The following C4orf51 variants were observed in gnomAD, a reference collection of about 807,000 sequenced individuals.
C4orf51 encodes chromosome 4 open reading frame 51, also known as uncharacterized protein C4orf51.
In C4orf51, 25 loss-of-function variants were observed where a neutral mutation model predicts 25.2. The ratio of observed to expected loss-of-function variants is 0.99; its 90% confidence interval spans 0.72 to 1.39. The LOEUF (loss-of-function observed/expected upper bound fraction) is 1.39. Ranked by LOEUF, C4orf51 falls within the 40% of genes most tolerant of loss-of-function variation. C4orf51 has a pLI of 0.00. For missense variants in C4orf51, 252 were observed against 239.6 expected, an observed-to-expected ratio of 1.05 and a Z score of -0.34; for synonymous variants, 100 against 84.5, an observed-to-expected ratio of 1.18 and a Z score of -1.01.
Position 145,765,409 on chromosome 4 carries a change from C to A in C4orf51, n.167-5579C>A, listed in dbSNP as rs4348115. On this transcript the variant is annotated intron_variant and non_coding_transcript_variant, in intron 1 of 1. Transcript: ENST00000510096. The surrounding 1 kb of genome is among the most constrained non-coding windows in gnomAD (Gnocchi z 4.7). Reference sequence around the variant, plus strand: ...TCAAATTAAGCCAAAAGAAATACAACCTTTAGGTGAGGCCCAGCATACTGC... The same window carrying A: ...TCAAATTAAGCCAAAAGAAATACAAACTTTAGGTGAGGCCCAGCATACTGC... 0.95 allele frequency: 1,063,210 copies of A among 1,116,550 alleles called. 506,420 individuals carry two copies. The highest frequency in any genetic ancestry group is 0.99 in the African/African-American group (62,861 of 63,466). 69.2% of individuals were successfully genotyped at this position (1,116,550 alleles called of 1,614,324 possible). A position where few individuals can be genotyped will look rare whatever the true frequency, so the allele number is the denominator to read the frequency against.
chr4:145,730,029 G>A, intron 5 of C4orf51, 64 bp downstream of exon 5: 1 of 1,388,306 alleles, frequency 7.2e-7, no homozygotes, highest in Admixed American at 1.7e-5. Context: ...GCGGGGTTCT[G>A]AGTGTCTCTA....
intron 1 of C4orf51, among the ~76,000 whole-genome samples, chr4:145,740,046 C>A (rs1458500233): frequency 6.6e-6 from 1 of 152,134 alleles, no homozygotes; most frequent in African/African-American, 2.4e-5. Context: ...TCAGAGTCCG[C>A]TGACATTGGA....
chr4:145,682,752 T>G (rs1295945123), intron 1 of C4orf51, among the ~76,000 whole-genome samples: 1 of 152,146 alleles, frequency 6.6e-6, no homozygotes, highest in Non-Finnish European at 1.5e-5. Flanking sequence ...GAAATTAGTG[T>G]GATACAGACC....
chr4:145,786,225 TG>T, the C4orf51 span, among the ~76,000 whole-genome samples: 2 of 152,226 alleles, frequency 1.3e-5, no homozygotes, highest in Non-Finnish European at 2.9e-5. Context: ...CTATATTTGG[TG>T]TATTGTTTGG....
chr4:145,689,772 C>T (rs1169865890), intron 1 of C4orf51, among the ~76,000 whole-genome samples: 1 of 152,098 alleles, frequency 6.6e-6, no homozygotes, highest in African/African-American at 2.4e-5. Flanking sequence ...GGAGAAAGGA[C>T]ATACTATTCA....
Position 145,763,015 on chromosome 4 carries a change from G to T in C4orf51, n.167-7973G>T. 7.2e-7 allele frequency: 1 copy of T among 1,382,922 alleles called. No individual in the cohort carries two copies. The highest frequency in any genetic ancestry group is 9.8e-7 in the Non-Finnish European group (1 of 1,015,998). The allele number at this position is 1,382,922 out of a possible 1,614,324, so 85.7% of individuals were successfully genotyped here. A position where few individuals can be genotyped will look rare whatever the true frequency, so the allele number is the denominator to read the frequency against. On this transcript the variant is annotated intron_variant and non_coding_transcript_variant, in intron 1 of 1. Transcript: ENST00000510096. This position sits in a 1 kb window ranked among gnomAD's most constrained non-coding sequence, Gnocchi z 4.6. Reference sequence around the variant, plus strand: ...CCTTTGAACCTCAGCTCACAGAAGAGTGCACACGAGAGAAATATAAAGCCC... The same window carrying T: ...CCTTTGAACCTCAGCTCACAGAAGATTGCACACGAGAGAAATATAAAGCCC...
At chr4:145,701,247 T>C (rs1460429891) in intron 2 of C4orf51, among the ~76,000 whole-genome samples, 2 of 140,592 alleles carry the variant, frequency 1.4e-5, no homozygotes, top group African/African-American at 5.4e-5. Context: ...AAAAAAAAAG[T>C]GGCAATTCCT....
chr4:145,766,515 A>C (rs1055983146), intron 1 of C4orf51, among the ~76,000 whole-genome samples: 1 of 152,216 alleles, frequency 6.6e-6, no homozygotes, highest in Non-Finnish European at 1.5e-5. Context: ...CATTGCAGAG[A>C]GAAGGAACCA....
intron 1 of C4orf51, among the ~76,000 whole-genome samples, chr4:145,693,554 T>C (rs1475331073): frequency 6.6e-6 from 1 of 150,580 alleles, no homozygotes; most frequent in East Asian, 2.0e-4. Flanking sequence ...TGGGTACACC[T>C]CCCAGATGGG....
chr4:145,760,977 G>T (rs1346797981), intron 1 of C4orf51: 1 of 1,246,470 alleles, frequency 8.0e-7, no homozygotes, highest in African/African-American at 1.6e-5. Context: ...AAGGGGAGCC[G>T]TTGAAGGCCA....
intron 4 of C4orf51, 98 bp from the exon 5 acceptor site, chr4:145,729,794 A>G (rs1425681307): frequency 2.1e-6 from 2 of 971,544 alleles, no homozygotes; most frequent in Non-Finnish European, 3.3e-6. Context: ...GTTTGGATCT[A>G]TTGATTTAAA....
intron 2 of C4orf51, among the ~76,000 whole-genome samples, chr4:145,701,449 C>G (rs982022434): frequency 1.3e-5 from 2 of 152,008 alleles, no homozygotes; most frequent in Non-Finnish European, 2.9e-5. Flanking sequence ...CCCATCTGTG[C>G]GGGGACCCCA....
chr4:145,779,637 T>C, the C4orf51 span: 1 of 1,294,152 alleles, frequency 7.7e-7, no homozygotes, highest in Non-Finnish European at 1.1e-6. Context: ...CAAATGAGTC[T>C]CCGTAACTGG....
intron 2 of C4orf51, among the ~76,000 whole-genome samples, chr4:145,703,540 C>T (rs1730603854): frequency 6.6e-6 from 1 of 152,130 alleles, no homozygotes; most frequent in African/African-American, 2.4e-5. Context: ...AAATATTTCC[C>T]CTTATTCTGT....
downstream of C4orf51, among the ~76,000 whole-genome samples, chr4:145,733,884 T>G (rs1038421133): frequency 2.0e-5 from 3 of 152,198 alleles, no homozygotes; most frequent in Non-Finnish European, 4.4e-5. Context: ...GGCCTCTGTT[T>G]AGGTTCCGAG....
the C4orf51 span, among the ~76,000 whole-genome samples, chr4:145,788,543 C>T: frequency 2.0e-5 from 3 of 152,346 alleles, no homozygotes; most frequent in Admixed American, 2.0e-4. Context: ...TGTACTTGTA[C>T]TTCCAAGATT....
intron 2 of C4orf51, among the ~76,000 whole-genome samples, chr4:145,698,619 GA>G (rs1730229831): frequency 6.6e-6 from 1 of 152,200 alleles, no homozygotes; most frequent in Non-Finnish European, 1.5e-5. Context: ...CAGATTTAAA[GA>G]GTCTGTTCTA....
At chr4:145,717,753 T>G (rs181751342) in intron 2 of C4orf51, among the ~76,000 whole-genome samples, 114 of 152,378 alleles carry the variant, frequency 7.5e-4, no homozygotes, top group African/African-American at 2.7e-3. Context: ...TCTGCCTACA[T>G]TAAAGTGCTT....
At chr4:145,686,614 A>G (rs1453024775) in intron 1 of C4orf51, among the ~76,000 whole-genome samples, 2 of 152,172 alleles carry the variant, frequency 1.3e-5, no homozygotes, top group Non-Finnish European at 2.9e-5. Context: ...AAGGTTTACA[A>G]CAATCTGAGG....
Sources: gnomAD v4.1 joint callset for allele counts (sites outside exome capture counted in the v4.1 genomes callset) on GRCh38, gnomAD v4.1.1 for gene constraint, Gnocchi (gnomAD v3.1) non-coding constraint, MANE v1.5 for transcripts, NCBI Gene and HGNC (gene_info 2026-07-23, HGNC 2026-07-21) for gene names.